SPATA13: variants seen among roughly 807,000 people sequenced by gnomAD.
SPATA13 encodes spermatogenesis associated 13.
A neutral mutation model predicts 104.0 loss-of-function variants in SPATA13; 50 were observed. The ratio of observed to expected loss-of-function variants is 0.48; its 90% CI spans 0.38 to 0.61. The LOEUF (loss-of-function observed/expected upper bound fraction) is 0.61, where lower values mean the gene tolerates loss of function less well. SPATA13 is among the 20% of genes least tolerant of loss of function. The probability of loss-of-function intolerance (pLI) is 0.00; values close to 1 mark genes in which losing one functional copy is unlikely to be tolerated. For synonymous variants in SPATA13, 606 were observed against 667.5 expected (o/e 0.91, Z 1.42); for missense variants, 1,524 against 1,690.6 (o/e 0.90, Z 1.73).
chr13:24,239,988 C>G (rs899013780), intron 2 of SPATA13, among the ~76,000 whole-genome samples: 2 of 151,700 alleles, frequency 1.3e-5, no homozygotes, highest in South Asian at 2.1e-4. Flanking sequence ...TGTCTCTTTA[C>G]TCTTAATTAG....
intron 3 of SPATA13, chr13:24,122,039 C>T: frequency 2.0e-6 from 3 of 1,494,462 alleles, no homozygotes; most frequent in South Asian, 1.1e-5. Context: ...TCACTACAAT[C>T]ACACAGCAGG....
chr13:24,026,063 A>T (rs1877198379), intron 3 of SPATA13, among the ~76,000 whole-genome samples: 1 of 152,158 alleles, frequency 6.6e-6, no homozygotes, highest in Non-Finnish European at 1.5e-5. Context: ...TCGGCCTTCT[A>T]AATACCTTTT....
intron 4 of SPATA13, among the ~76,000 whole-genome samples, chr13:24,257,064 A>G (rs1343363522): frequency 6.6e-6 from 1 of 152,212 alleles, no homozygotes; most frequent in African/African-American, 2.4e-5. Context: ...TGTACTTAAC[A>G]TTGGGTTCCA....
At chr13:24,072,843 T>TTTTTTTTTTTA (rs1879214853) in intron 3 of SPATA13, among the ~76,000 whole-genome samples, 1 of 135,092 alleles carries the variant, frequency 7.4e-6, no homozygotes, top group Non-Finnish European at 1.6e-5. Context: ...TTTTTTTTTT[T>TTTTTTTTTTTA]ACATCCCCTT....
At chr13:24,025,608 C>T (rs1282260654) in intron 3 of SPATA13, among the ~76,000 whole-genome samples, 1 of 152,192 alleles carries the variant, frequency 6.6e-6, no homozygotes, top group East Asian at 1.9e-4. Context: ...TCCCTTTGCT[C>T]TAAATCCTTA....
chr13:24,003,411 G>A (rs370757460), intron 2 of SPATA13, among the ~76,000 whole-genome samples: 50 of 152,324 alleles, frequency 3.3e-4, no homozygotes, highest in African/African-American at 1.1e-3. Context: ...TGAATGGAGT[G>A]CACACAGGAA....
At chr13:24,234,231 G>A (rs1872448645) in intron 2 of SPATA13, among the ~76,000 whole-genome samples, 2 of 152,182 alleles carry the variant, frequency 1.3e-5, no homozygotes, top group African/African-American at 4.8e-5. Context: ...ATGATAGGAA[G>A]CAATATCATA....
At chr13:24,297,762 C>T (rs766596103) in intron 11 of SPATA13, 27 bp downstream of exon 11, 1 of 1,586,278 alleles carries the variant, frequency 6.3e-7, no homozygotes, top group South Asian at 1.1e-5. Flanking sequence ...TCTGCAGGCA[C>T]CTGTGCCTCT....
chr13:24,052,505 T>C (rs959901151), intron 3 of SPATA13, among the ~76,000 whole-genome samples: 33 of 151,888 alleles, frequency 2.2e-4, no homozygotes, highest in African/African-American at 7.7e-4. Flanking sequence ...TTTTTTTTCT[T>C]TTAAACCCAT....
At chr13:24,014,718 T>G (rs1431787543) in intron 2 of SPATA13, among the ~76,000 whole-genome samples, 2 of 152,114 alleles carry the variant, frequency 1.3e-5, no homozygotes, top group African/African-American at 4.8e-5. Flanking sequence ...AGGTAAGTGG[T>G]TTAGTGAAAC....
chr13:24,019,238 G>A (rs1243063797), intron 3 of SPATA13, among the ~76,000 whole-genome samples: 2 of 151,074 alleles, frequency 1.3e-5, no homozygotes, highest in African/African-American at 4.9e-5. Flanking sequence ...ACAGGCGCCC[G>A]CCACTACGCC....
At chr13:24,053,666 C>T (rs1408953541) in intron 3 of SPATA13, among the ~76,000 whole-genome samples, 1 of 151,998 alleles carries the variant, frequency 6.6e-6, no homozygotes, top group African/African-American at 2.4e-5. Context: ...ACCTGGGGCT[C>T]CATCCTGTCG....
In SPATA13 at chr13:24,061,114, A is replaced by G. The variant is rs528384094; in HGVS notation, c.-112+43413A>G. Among the ~76,000 whole-genome samples, 31 of 152,336 alleles carry G rather than the reference A, an allele frequency of 2.0e-4. 1 individual carries two copies. In the South Asian group the frequency reaches 6.0e-3, roughly 30 times the overall value. On this transcript the variant is annotated intron_variant, in intron 3 of 14. Transcript: ENST00000424834. ...GGACATACATGTGGCTAACAGGCAC[A>G]TGAAAGAAAGCTCAATATCACTAAT...
intron 3 of SPATA13, among the ~76,000 whole-genome samples, chr13:24,145,839 C>T (rs775469521): frequency 5.3e-5 from 8 of 152,208 alleles, no homozygotes; most frequent in Admixed American, 6.5e-5. Flanking sequence ...CAAGACTTCA[C>T]GGCGGAGACA....
At chr13:24,265,481 T>C (rs1251438656) in intron 4 of SPATA13, among the ~76,000 whole-genome samples, 1 of 152,190 alleles carries the variant, frequency 6.6e-6, no homozygotes, top group Non-Finnish European at 1.5e-5. Context: ...ATGTAGCAAA[T>C]TATTTCCTGT....
intron 3 of SPATA13, among the ~76,000 whole-genome samples, chr13:24,144,238 A>G (rs1049686620): frequency 1.3e-5 from 2 of 152,152 alleles, no homozygotes; most frequent in African/African-American, 4.8e-5. Flanking sequence ...AGTCTGTCCA[A>G]TGCTGTGATC....
At chr13:24,285,071 G>A (rs1875830097) in intron 5 of SPATA13, among the ~76,000 whole-genome samples, 3 of 152,190 alleles carry the variant, frequency 2.0e-5, no homozygotes, top group South Asian at 4.1e-4. Context: ...AGCAGAACGT[G>A]TGGAGCATAA....
chr13:23,988,652 G>A (rs1182867094), intron 2 of SPATA13, among the ~76,000 whole-genome samples: 2 of 152,114 alleles, frequency 1.3e-5, no homozygotes, highest in Non-Finnish European at 1.5e-5. Flanking sequence ...CCTCACCAAC[G>A]AAGCAAAAAA....
At chr13:24,108,583 G>C (rs1880529865) in intron 3 of SPATA13, among the ~76,000 whole-genome samples, 1 of 152,174 alleles carries the variant, frequency 6.6e-6, no homozygotes, top group Non-Finnish European at 1.5e-5. Flanking sequence ...ATTCTCCTGA[G>C]GCAGTTTATT....
Sources: gnomAD v4.1 joint callset for allele counts (sites outside exome capture counted in the v4.1 genomes callset) on GRCh38, gnomAD v4.1.1 for gene constraint, MANE v1.5 for transcripts, NCBI Gene and HGNC (gene_info 2026-07-23, HGNC 2026-07-21) for gene names.